BICD1: variants seen among roughly 807,000 people sequenced by gnomAD.
BICD1 encodes the protein protein bicaudal D homolog 1.
Under a neutral mutation model 92.5 loss-of-function variants are expected in BICD1, and 35 were observed. That is an observed-to-expected ratio of 0.38 (90% confidence interval 0.29 to 0.50). BICD1 has a LOEUF of 0.50. BICD1 is among the 20% of genes least tolerant of loss of function. BICD1 has a pLI of 0.93. For synonymous variants in BICD1, 429 were observed against 465.1 expected, an observed-to-expected ratio of 0.92 and a Z score of 1.00; for missense variants, 950 against 1,189.8, an observed-to-expected ratio of 0.80 and a Z score of 2.97.
intron 2 of BICD1, among the ~76,000 whole-genome samples, chr12:32,266,801 T>C (rs1947008908): frequency 6.7e-6 from 1 of 149,710 alleles, no homozygotes; most frequent in Admixed American, 6.7e-5. Flanking sequence ...GAGGTTGCAG[T>C]GAGCCAAGAT....
intron 1 of BICD1, among the ~76,000 whole-genome samples, chr12:32,140,797 G>T (rs1942894832): frequency 1.3e-5 from 1 of 77,692 alleles, no homozygotes; most frequent in African/African-American, 6.4e-5. Flanking sequence ...TACATACTTC[G>T]TGTGTGTAGT....
intron 1 of BICD1, among the ~76,000 whole-genome samples, chr12:32,157,698 A>T (rs985898333): frequency 2.6e-4 from 40 of 152,008 alleles, no homozygotes; most frequent in African/African-American, 9.2e-4. Flanking sequence ...CTGGTTTCCT[A>T]CTTTTCCTCT....
At chr12:32,291,513 A>G (rs1374472250) in intron 2 of BICD1, among the ~76,000 whole-genome samples, 1 of 147,910 alleles carries the variant, frequency 6.8e-6, no homozygotes, top group African/African-American at 2.5e-5. Flanking sequence ...GCAACAGAGC[A>G]AGACCCTGCT....
At chr12:32,166,196 C>T (rs1345147033) in intron 1 of BICD1, among the ~76,000 whole-genome samples, 4 of 151,540 alleles carry the variant, frequency 2.6e-5, no homozygotes, top group Admixed American at 6.6e-5. Context: ...AGTGCAGTGG[C>T]GCAATCTCGG....
At chr12:32,246,680 T>G (rs1370634449) in intron 2 of BICD1, among the ~76,000 whole-genome samples, 1 of 152,210 alleles carries the variant, frequency 6.6e-6, no homozygotes, top group African/African-American at 2.4e-5. Context: ...TTGCAGATTT[T>G]CAGTGTTTAT....
At chr12:32,204,137 C>T (rs955425267) in intron 1 of BICD1, among the ~76,000 whole-genome samples, 2 of 151,660 alleles carry the variant, frequency 1.3e-5, no homozygotes, top group African/African-American at 4.8e-5. Context: ...TTGCTTGAGC[C>T]CAGGAGTTTG....
chr12:32,288,899 C>T (rs1043436377), intron 2 of BICD1, among the ~76,000 whole-genome samples: 1 of 151,844 alleles, frequency 6.6e-6, no homozygotes, highest in African/African-American at 2.4e-5. Flanking sequence ...TTAACATGTT[C>T]GGTGTTTTCT....
intron 1 of BICD1, among the ~76,000 whole-genome samples, chr12:32,185,023 C>A (rs1364498781): frequency 1.3e-5 from 2 of 152,088 alleles, no homozygotes; most frequent in African/African-American, 4.8e-5. Context: ...CCAATAGTAC[C>A]AGAAACCATG....
chr12:32,133,948 A>T (rs535682125), intron 1 of BICD1, among the ~76,000 whole-genome samples: 7 of 151,802 alleles, frequency 4.6e-5, no homozygotes, highest in African/African-American at 9.7e-5. Context: ...CGCCTGGCTA[A>T]TTTTTTGTAT....
rs569345610 is a variant in BICD1 at position 32,381,961 on chromosome 12, G to C, written c.*4334G>C. 6.6e-6 allele frequency: 1 copy of C among 152,138 alleles called. No individual in the cohort carries two copies. The highest frequency in any genetic ancestry group is 1.9e-4 in the East Asian group (1 of 5,188). 9.4% of individuals were successfully genotyped at this position (152,138 alleles called of 1,614,324 possible). ...AAGCTGTTGAACTGGAGTTATGATA[G>C]GTTATGACAGAGAGCATGATCAGTG... On this transcript the variant is annotated 3_prime_UTR_variant, in exon 10 of 10. Transcript: ENST00000652176.
At chr12:32,162,651 T>G (rs1164557327) in intron 1 of BICD1, among the ~76,000 whole-genome samples, 1 of 152,222 alleles carries the variant, frequency 6.6e-6, no homozygotes, top group Non-Finnish European at 1.5e-5. Context: ...TTCAAATTTT[T>G]GTTTTCCTGG....
intron 8 of BICD1, among the ~76,000 whole-genome samples, chr12:32,347,698 T>A (rs1405705869): frequency 6.6e-6 from 1 of 152,066 alleles, no homozygotes; most frequent in African/African-American, 2.4e-5. Flanking sequence ...TCTTATTTGT[T>A]ACTAGATCTC....
At chr12:32,318,785 C>T (rs1592665493) in intron 4 of BICD1, among the ~76,000 whole-genome samples, 1 of 152,052 alleles carries the variant, frequency 6.6e-6, no homozygotes. Flanking sequence ...TCCTGGGAGG[C>T]GGAGGTTGCA....
intron 1 of BICD1, among the ~76,000 whole-genome samples, chr12:32,115,327 G>A (rs1941849765): frequency 6.7e-6 from 1 of 149,812 alleles, no homozygotes; most frequent in Admixed American, 6.7e-5. Flanking sequence ...GTATTCTTCT[G>A]TACTTGTTTT....
intron 8 of BICD1, chr12:32,339,694 T>A: frequency 3.0e-6 from 3 of 985,420 alleles, no homozygotes; most frequent in Non-Finnish European, 3.6e-6. Flanking sequence ...ATCATCCTTT[T>A]AAGGAATCCC....
intron 2 of BICD1, among the ~76,000 whole-genome samples, chr12:32,248,804 A>AG (rs879779163): frequency 6.6e-6 from 1 of 152,154 alleles, no homozygotes; most frequent in Non-Finnish European, 1.5e-5. Context: ...CTCAGCAAAG[A>AG]GGGGGGTCTG....
At chr12:32,120,968 ATTTTTT>A (rs1276999379) in intron 1 of BICD1, among the ~76,000 whole-genome samples, 1 of 128,512 alleles carries the variant, frequency 7.8e-6, no homozygotes, top group Non-Finnish European at 1.6e-5. Context: ...GCTCCATAGA[ATTTTTT>A]TTTTTTTTTT....
intron 2 of BICD1, among the ~76,000 whole-genome samples, chr12:32,243,264 A>ATTTTTTTTATTTTTTT (rs1946282934): frequency 1.4e-5 from 1 of 74,030 alleles, no homozygotes; most frequent in Non-Finnish European, 2.4e-5. Flanking sequence ...TGCCTGGCTA[A>ATTTTTTTTATTTTTTT]TTTTTTTTTT....
In BICD1 at chr12:32,347,436, G is replaced by A. The variant is rs373577989; in HGVS notation, c.2764+8457G>A. ...GGGCAGATCACAAGGTCAAGAGATCGAGACCATCCTGGCCAACATGGTGAA... is the reference window on the plus strand; with the variant it reads ...GGGCAGATCACAAGGTCAAGAGATCAAGACCATCCTGGCCAACATGGTGAA... On this transcript the variant is annotated intron_variant, in intron 8 of 9. Transcript: ENST00000652176. Among the ~76,000 whole-genome samples the A allele has an allele frequency of 1.6e-4, 24 of 150,948 alleles. No individual in the cohort carries two copies. The East Asian group carries it at 2.0e-3, about 13-fold the overall frequency.
Sources: allele counts gnomAD v4.1 joint callset (sites outside exome capture counted in the v4.1 genomes callset), GRCh38; gene constraint gnomAD v4.1.1; transcripts MANE v1.5; gene names NCBI Gene and HGNC (gene_info 2026-07-23, HGNC 2026-07-21).